Variants in KIAA0319 observed in about 807,000 individuals in gnomAD.
The protein encoded by KIAA0319 is KIAA0319, also known as dyslexia-associated protein KIAA0319.
A neutral mutation model predicts 108.4 loss-of-function variants in KIAA0319; 83 were observed. That is an observed-to-expected ratio of 0.77 (90% CI 0.64 to 0.92). The LOEUF is 0.92. Among genes scored for constraint, KIAA0319 ranks in the 40% least tolerant of loss-of-function variants. KIAA0319 has a pLI of 0.00. For synonymous variants in KIAA0319, 484 were observed against 510.4 expected, an observed-to-expected ratio of 0.95 and a Z score of 0.70; for missense variants, 1,195 against 1,322.4, an observed-to-expected ratio of 0.90 and a Z score of 1.49.
intron 19 of KIAA0319, among the ~76,000 whole-genome samples, chr6:24,553,292 TATACACAC>T (rs370177666): frequency 0.053 from 5,032 of 94,760 alleles, 109 homozygotes; most frequent in African/African-American, 0.08. Flanking sequence ...TATATATATA[TATACACAC>T]ACACACACAC....
chr6:24,644,147 T>G (rs1777310635), intron 1 of KIAA0319, among the ~76,000 whole-genome samples: 1 of 152,172 alleles, frequency 6.6e-6, no homozygotes, highest in South Asian at 2.1e-4. Flanking sequence ...TTCCTTCACA[T>G]CCCAAAGCTG....
rs746400378 is a variant in KIAA0319 at position 24,583,732 on chromosome 6, A to G, written c.995-30T>C. On this transcript the variant is annotated intron_variant, in intron 4 of 20. Transcript: ENST00000378214. ...AAGTTAATTAGAAATAATACGTGCA[A>G]TTATATAATATAATGTGTTACATTA... 21 of 1,323,476 alleles carry G rather than the reference A, an allele frequency of 1.6e-5. No homozygotes were observed. In the Admixed American group the frequency reaches 2.2e-4, roughly 14 times the overall value. 82.0% of individuals were successfully genotyped at this position (1,323,476 alleles called of 1,614,324 possible).
chr6:24,583,953 T>C (rs6902039), intron 4 of KIAA0319, among the ~76,000 whole-genome samples: 43,299 of 152,132 alleles, frequency 0.28, 7,087 homozygotes, highest in Middle Eastern at 0.39. Flanking sequence ...TCAAATTGAC[T>C]GAGCAACGTA....
chr6:24,615,095 G>A (rs1259411608), intron 1 of KIAA0319, among the ~76,000 whole-genome samples: 1 of 152,150 alleles, frequency 6.6e-6, no homozygotes, highest in Non-Finnish European at 1.5e-5. Flanking sequence ...AGAGTTAATT[G>A]TAATGAATTT....
At chr6:24,628,173 T>G (rs903278986) in intron 1 of KIAA0319, among the ~76,000 whole-genome samples, 1 of 152,198 alleles carries the variant, frequency 6.6e-6, no homozygotes, top group Non-Finnish European at 1.5e-5. Context: ...AAATCTAAAC[T>G]TCCTAAATAA....
Position 24,547,084 on chromosome 6 carries a change from A to G in KIAA0319, c.*81T>C, listed in dbSNP as rs1760723892. On this transcript the variant is annotated 3_prime_UTR_variant, in exon 21 of 21. Coordinates refer to ENST00000378214, the MANE Select transcript of KIAA0319 (RefSeq NM_014809.4). The stretch of plus-strand genomic sequence containing the variant: ...GGAAGAAGGTCAATGAACTATTCTA[A>G]AAGAGTGGGTTTTGTGCTGTAACTC... 10 of 1,425,008 alleles carry G rather than the reference A, an allele frequency of 7.0e-6. No individual in the cohort carries two copies. Among genetic ancestry groups the G allele is most frequent in the Non-Finnish European group, 9.8e-6 (10 of 1,020,486 alleles). 88.3% of individuals were successfully genotyped at this position (1,425,008 alleles called of 1,614,324 possible).
At chr6:24,586,626 T>C (rs184433140) in intron 4 of KIAA0319, among the ~76,000 whole-genome samples, 266 of 152,308 alleles carry the variant, frequency 1.7e-3, no homozygotes, top group African/African-American at 6.2e-3. Context: ...TAAGCCAGAG[T>C]TCCAGGCTTA....
At chr6:24,614,670 T>C (rs1011319952) in intron 1 of KIAA0319, among the ~76,000 whole-genome samples, 1 of 152,158 alleles carries the variant, frequency 6.6e-6, no homozygotes, top group African/African-American at 2.4e-5. Flanking sequence ...CATCATAGAA[T>C]ATGTTCTTTC....
intron 2 of KIAA0319, among the ~76,000 whole-genome samples, chr6:24,597,424 G>A (rs1378175489): frequency 2.0e-5 from 3 of 152,180 alleles, no homozygotes; most frequent in East Asian, 3.8e-4. Context: ...GACACCTCTG[G>A]AGTGCACCGT....
At chr6:24,608,784 A>G (rs900659863) in intron 1 of KIAA0319, among the ~76,000 whole-genome samples, 1 of 151,750 alleles carries the variant, frequency 6.6e-6, no homozygotes, top group Non-Finnish European at 1.5e-5. Context: ...CAAAAAAATT[A>G]GTCGGGCATG....
At chr6:24,571,258 A>C (rs570764823) in intron 11 of KIAA0319, among the ~76,000 whole-genome samples, 3 of 150,998 alleles carry the variant, frequency 2.0e-5, no homozygotes, top group Non-Finnish European at 4.4e-5. Context: ...ACCAAAAAAA[A>C]GGGCCAGGTG....
At chr6:24,563,736 G>A (rs1763429981) in intron 15 of KIAA0319, among the ~76,000 whole-genome samples, 1 of 152,116 alleles carries the variant, frequency 6.6e-6, no homozygotes, top group Admixed American at 6.5e-5. Context: ...TTTTTTTCCA[G>A]AAGATAATCG....
In KIAA0319 at chr6:24,619,855, C is replaced by T. The variant is rs556017817; in HGVS notation, c.-105-18647G>A. Among the ~76,000 whole-genome samples the T allele has an allele frequency of 2.0e-5, 3 of 152,306 alleles. No individual in the cohort carries two copies. In the East Asian group the frequency reaches 5.8e-4, roughly 29 times the overall value. On this transcript the variant is annotated intron_variant, in intron 1 of 20. Transcript: ENST00000378214. ...GAGTGCCATATTTTGCTGCAGCAGG[C>T]GTGCAAATCACACTATAGCAATTCC...
intron 20 of KIAA0319, among the ~76,000 whole-genome samples, chr6:24,550,504 G>A (rs897525054): frequency 5.3e-5 from 8 of 152,316 alleles, no homozygotes; most frequent in Middle Eastern, 3.4e-3. Context: ...GTTAATAAAC[G>A]AGAATGAAAA....
chr6:24,595,786 G>A, intron 3 of KIAA0319, 87 bp downstream of exon 3: 1 of 1,434,770 alleles, frequency 7.0e-7, no homozygotes, highest in East Asian at 2.3e-5. Flanking sequence ...CAGCCTGAAT[G>A]AGTGCCCGGC....
intron 1 of KIAA0319, among the ~76,000 whole-genome samples, chr6:24,608,014 C>T (rs912342763): frequency 6.6e-6 from 1 of 151,968 alleles, no homozygotes; most frequent in Non-Finnish European, 1.5e-5. Flanking sequence ...AAATTATATC[C>T]ACATCGCTTC....
At chr6:24,640,653 T>C (rs377693039) in intron 1 of KIAA0319, among the ~76,000 whole-genome samples, 8 of 152,210 alleles carry the variant, frequency 5.3e-5, no homozygotes, top group Non-Finnish European at 8.8e-5. Flanking sequence ...TTTACCATTT[T>C]AACCATTTTT....
chr6:24,551,255 T>TG (rs1266691195), intron 20 of KIAA0319, among the ~76,000 whole-genome samples, 179 bp downstream of exon 20: 2 of 152,094 alleles, frequency 1.3e-5, no homozygotes, highest in Non-Finnish European at 2.9e-5. Context: ...ATTACAGGCA[T>TG]GAGCCACTGG....
At chr6:24,581,879 C>A (rs1766603376) in intron 6 of KIAA0319, among the ~76,000 whole-genome samples, 1 of 152,198 alleles carries the variant, frequency 6.6e-6, no homozygotes, top group South Asian at 2.1e-4. Context: ...CGTGGTGGCT[C>A]ATGCCTGTAA....
Sources: gnomAD v4.1 joint callset for allele counts (sites outside exome capture counted in the v4.1 genomes callset) on GRCh38, gnomAD v4.1.1 for gene constraint, MANE v1.5 for transcripts, NCBI Gene and HGNC (gene_info 2026-07-23, HGNC 2026-07-21) for gene names.